NR3C1: variants seen among roughly 807,000 people sequenced by gnomAD.
NR3C1 encodes the protein nuclear receptor subfamily 3 group C member 1, also known as glucocorticoid receptor.
In NR3C1, 14 loss-of-function variants were observed where a neutral mutation model predicts 74.0. The ratio of observed to expected loss-of-function variants is 0.19; its 90% CI spans 0.12 to 0.30. The LOEUF (loss-of-function observed/expected upper bound fraction) is 0.30. Ranked by LOEUF, NR3C1 falls within the 10% of genes least tolerant of loss-of-function variation. The pLI is 1.00. For missense variants in NR3C1, 695 were observed against 909.8 expected, an observed-to-expected ratio of 0.76 and a Z score of 3.04; for synonymous variants, 308 against 332.5, an observed-to-expected ratio of 0.93 and a Z score of 0.80.
At chr5:143,402,685 C>T (rs1173359617) in intron 1 of NR3C1, 11 of 985,356 alleles carry the variant, frequency 1.1e-5, no homozygotes, top group Non-Finnish European at 1.3e-5. Context: ...GGCTGTCAGC[C>T]CCCCGCGTGT....
intron 1 of NR3C1, among the ~76,000 whole-genome samples, chr5:143,420,681 A>T (rs1375621813): frequency 2.6e-5 from 4 of 152,132 alleles, no homozygotes; most frequent in African/African-American, 9.7e-5. Flanking sequence ...CCTGCTAAAC[A>T]TCCTGCAATG....
At chr5:143,333,746 G>A (rs1313850622) in intron 2 of NR3C1, among the ~76,000 whole-genome samples, 9 of 152,010 alleles carry the variant, frequency 5.9e-5, no homozygotes, top group South Asian at 4.2e-4. Flanking sequence ...CCAGCTGGGC[G>A]ACAGAGCGAG....
intron 2 of NR3C1, among the ~76,000 whole-genome samples, chr5:143,384,095 G>C (rs1270488446): frequency 6.6e-6 from 1 of 152,212 alleles, no homozygotes; most frequent in Non-Finnish European, 1.5e-5. Context: ...GGAGAAGCAA[G>C]CACATGTTCA....
At chr5:143,433,461 T>TATATAATTTATTTATTTAAA (rs1751959549) in intron 1 of NR3C1, among the ~76,000 whole-genome samples, 1 of 146,694 alleles carries the variant, frequency 6.8e-6, no homozygotes, top group Non-Finnish European at 1.5e-5. Context: ...ATTATATATA[T>TATATAATTTATTTATTTAAA]ATATATATAT....
Position 143,280,341 on chromosome 5 carries a change from A to ATATC in NR3C1, c.*1544_*1547dup, listed in dbSNP as rs1562679178. On this transcript the variant is annotated 3_prime_UTR_variant, in exon 9 of 9. Transcript: ENST00000394464. Reference sequence around the variant, plus strand: ...AGATTAGTGAATACCAATATGATATATATCTGAAACTATAACTAAATATAA... The same window carrying ATATC: ...AGATTAGTGAATACCAATATGATATATATCTATCTGAAACTATAACTAAATATAA... 1 of 152,650 alleles carries ATATC rather than the reference A, an allele frequency of 6.6e-6. No homozygotes were observed. The highest frequency in any genetic ancestry group is 2.4e-5 in the African/African-American group (1 of 41,472). The allele number at this position is 152,650 out of a possible 1,614,324, so 9.5% of individuals were successfully genotyped here.
At position 143,298,747 on chromosome 5, in the gene NR3C1, C is replaced by T. The variant is rs1300941336; in HGVS notation, c.1813G>A (p.Ala605Thr). The T allele has an allele frequency of 6.2e-7, 1 of 1,613,832 alleles. No homozygotes were observed. The highest frequency in any genetic ancestry group is 8.5e-7 in the Non-Finnish European group (1 of 1,179,888). Reference sequence around the variant, plus strand: ...TATGATCTCCACCCCAGAGCAAATGCCATAAGAAACATCCAGGAGTACTGC... The same window carrying T: ...TATGATCTCCACCCCAGAGCAAATGTCATAAGAAACATCCAGGAGTACTGC... Reference protein sequence around the residue: ...LLQYSWMFLMAFALGWRSYRQ... With the variant: ...LLQYSWMFLMTFALGWRSYRQ... Residue 605 changes from alanine to threonine, a missense_variant, in exon 6 of 9, where the codon GCA becomes ACA. Physicochemically the swap from Ala to Thr is moderately conservative, Grantham distance 58. Coordinates refer to ENST00000394464, the MANE Select transcript of NR3C1 (RefSeq NM_000176.3).
In NR3C1 at chr5:143,278,386, A is replaced by C. The variant is rs1812643861; in HGVS notation, c.*3503T>G. 6.6e-6 allele frequency: 1 copy of C among 152,226 alleles called. No individual in the cohort carries two copies. Among genetic ancestry groups the C allele is most frequent in the African/African-American group, 2.4e-5 (1 of 41,460 alleles). 9.4% of individuals were successfully genotyped at this position (152,226 alleles called of 1,614,324 possible). On this transcript the variant is annotated 3_prime_UTR_variant, in exon 9 of 9. Coordinates refer to ENST00000394464, the MANE Select transcript of NR3C1 (RefSeq NM_000176.3). ...CAAGTTATTTGAGGAGGGTATTTTC[A>C]TACAGCCTTTCATCAGAAAATAAAA...
At chr5:143,307,505 A>G (rs1322301732) in intron 4 of NR3C1, among the ~76,000 whole-genome samples, 1 of 152,200 alleles carries the variant, frequency 6.6e-6, no homozygotes, top group East Asian at 1.9e-4. Context: ...AACATTATAT[A>G]CTTAAAACTC....
At chr5:143,376,799 G>A (rs1835284309) in intron 2 of NR3C1, among the ~76,000 whole-genome samples, 1 of 152,198 alleles carries the variant, frequency 6.6e-6, no homozygotes, top group African/African-American at 2.4e-5. Context: ...CATTCCAGGT[G>A]TAGCTGTGTA....
chr5:143,332,656 A>C (rs1440779893), intron 2 of NR3C1: 2 of 1,579,226 alleles, frequency 1.3e-6, no homozygotes, highest in Non-Finnish European at 1.7e-6. Context: ...AAGCGACTGG[A>C]ATCATTCCTA....
chr5:143,322,733 C>T (rs1001192186), intron 2 of NR3C1, among the ~76,000 whole-genome samples: 1 of 152,182 alleles, frequency 6.6e-6, no homozygotes, highest in Non-Finnish European at 1.5e-5. Flanking sequence ...ACCCTCAGAA[C>T]CAATCTCAAC....
intron 2 of NR3C1, chr5:143,375,715 C>T (rs1011354164): frequency 6.6e-6 from 1 of 152,150 alleles, no homozygotes; most frequent in Non-Finnish European, 1.5e-5. Flanking sequence ...ATGCTAACAG[C>T]AGAGAGCCAC....
upstream of NR3C1, chr5:143,405,267 C>G: frequency 1.0e-6 from 1 of 985,756 alleles, no homozygotes; most frequent in East Asian, 1.1e-4. Context: ...CAGCTCCTGA[C>G]ACGGGCGGGG....
At chr5:143,286,081 T>A (rs1320242077) in intron 7 of NR3C1, among the ~76,000 whole-genome samples, 1 of 151,556 alleles carries the variant, frequency 6.6e-6, no homozygotes, top group African/African-American at 2.4e-5. Flanking sequence ...ATATTATGAA[T>A]AACTTAACTT....
chr5:143,333,088 A>G (rs1343225868), intron 2 of NR3C1: 1 of 1,594,868 alleles, frequency 6.3e-7, no homozygotes, highest in African/African-American at 1.3e-5. Flanking sequence ...TTCCCAGGGA[A>G]GCATTTCCAG....
intron 2 of NR3C1, among the ~76,000 whole-genome samples, chr5:143,379,600 C>A (rs1444666533): frequency 6.6e-6 from 1 of 152,194 alleles, no homozygotes; most frequent in African/African-American, 2.4e-5. Flanking sequence ...AATTGCAGCT[C>A]CTCCACCCAC....
In NR3C1 at chr5:143,298,591, T is replaced by C. The variant is rs1817808776; in HGVS notation, c.1892+77A>G. 8 of 1,461,340 alleles carry C rather than the reference T, an allele frequency of 5.5e-6. No homozygotes were observed. The East Asian group carries it at 1.6e-4, about 29-fold the overall frequency. 90.5% of individuals were successfully genotyped at this position (1,461,340 alleles called of 1,614,324 possible). A position where few individuals can be genotyped will look rare whatever the true frequency, so the allele number is the denominator to read the frequency against. ...TTGTTTCAGTCCTGAATTATCACAA[T>C]AGCAGTCAATCAGGAAAACATCAGC... On this transcript the variant is annotated intron_variant, in intron 6 of 8. Coordinates refer to ENST00000394464, the MANE Select transcript of NR3C1 (RefSeq NM_000176.3).
intron 2 of NR3C1, among the ~76,000 whole-genome samples, chr5:143,352,692 G>A (rs1830444408): frequency 6.6e-6 from 1 of 152,266 alleles, no homozygotes; most frequent in South Asian, 2.1e-4. Flanking sequence ...TATTAAGTGT[G>A]CAATAGCATT....
At chr5:143,390,894 G>A (rs955974489) in intron 2 of NR3C1, among the ~76,000 whole-genome samples, 1 of 152,082 alleles carries the variant, frequency 6.6e-6, no homozygotes, top group Non-Finnish European at 1.5e-5. Context: ...TTTTCTTTGA[G>A]CAAGAACAGT....
Sources: gnomAD v4.1 joint callset for allele counts (sites outside exome capture counted in the v4.1 genomes callset) on GRCh38, gnomAD v4.1.1 for gene constraint, MANE v1.5 for transcripts, NCBI Gene and HGNC (gene_info 2026-07-23, HGNC 2026-07-21) for gene names.